TECPR2: variants seen among roughly 807,000 people sequenced by gnomAD.
TECPR2 encodes the protein tectonin beta-propeller repeat-containing protein 2.
A neutral mutation model predicts 138.1 loss-of-function variants in TECPR2; 65 were observed. The observed-to-expected ratio is 0.47, with a 90% CI of 0.39 to 0.58. TECPR2 has a LOEUF of 0.58. Ranked by LOEUF, TECPR2 falls within the 20% of genes least tolerant of loss-of-function variation. The pLI is 0.00. For synonymous variants in TECPR2, 746 were observed against 749.8 expected, an observed-to-expected ratio of 0.99 and a Z score of 0.08; for missense variants, 1,553 against 1,824.5, an observed-to-expected ratio of 0.85 and a Z score of 2.71.
chr14:102,446,383 G>A (rs1356907598), intron 13 of TECPR2, among the ~76,000 whole-genome samples: 1 of 152,124 alleles, frequency 6.6e-6, no homozygotes, highest in Non-Finnish European at 1.5e-5. Context: ...CAGATCACTC[G>A]AGTCCAGGAG....
At chr14:102,438,233 T>C (rs1167507279) in intron 10 of TECPR2, 28 bp downstream of exon 10, 7 of 1,581,734 alleles carry the variant, frequency 4.4e-6, no homozygotes, top group Non-Finnish European at 6.0e-6. Context: ...CTGCTCCCGC[T>C]CCCTGCTCCC....
At chr14:102,395,862 C>A (rs974137246) in intron 2 of TECPR2, among the ~76,000 whole-genome samples, 1 of 152,138 alleles carries the variant, frequency 6.6e-6, no homozygotes, top group Non-Finnish European at 1.5e-5. Flanking sequence ...GATTATTGAT[C>A]TGAAAACCAA....
chr14:102,456,877 C>T (rs1421643571), intron 16 of TECPR2, among the ~76,000 whole-genome samples: 1 of 151,982 alleles, frequency 6.6e-6, no homozygotes, highest in Non-Finnish European at 1.5e-5. Flanking sequence ...GTGTGAGCTA[C>T]CGCACCCAGC....
intron 17 of TECPR2, among the ~76,000 whole-genome samples, chr14:102,484,549 T>C (rs912475080): frequency 2.6e-5 from 4 of 152,186 alleles, no homozygotes; most frequent in Non-Finnish European, 5.9e-5. Flanking sequence ...TGGGGAGTCG[T>C]TGCTTTTAGC....
At position 102,415,242 on chromosome 14, in the gene TECPR2, G is replaced by A. The variant is rs923809377; in HGVS notation, c.638+449G>A. Among the ~76,000 whole-genome samples, 9 of 152,202 alleles carry A rather than the reference G, an allele frequency of 5.9e-5. No individual in the cohort carries two copies. In the South Asian group the frequency reaches 6.2e-4, roughly 10 times the overall value. On this transcript the variant is annotated intron_variant, in intron 5 of 19. Transcript: ENST00000359520. This position sits in a 1 kb window ranked among gnomAD's most constrained non-coding sequence, Gnocchi z 4.3. ...TAAACACGGCAGATCTGAGCCCTCC[G>A]TTGTGGAAATGGAAACACAGATAGA...
intron 17 of TECPR2, among the ~76,000 whole-genome samples, chr14:102,496,095 G>A (rs1891273343): frequency 6.6e-6 from 1 of 152,280 alleles, no homozygotes; most frequent in Non-Finnish European, 1.5e-5. Flanking sequence ...GGATCTGCCA[G>A]TTTCCACTGG....
intron 2 of TECPR2, among the ~76,000 whole-genome samples, chr14:102,405,767 A>G (rs1567326766): frequency 6.6e-6 from 1 of 152,256 alleles, no homozygotes; most frequent in African/African-American, 2.4e-5. Context: ...TAAAATGGGG[A>G]AGCAATCCAT....
chr14:102,483,704 A>T (rs867232274), intron 17 of TECPR2, among the ~76,000 whole-genome samples: 3 of 151,344 alleles, frequency 2.0e-5, no homozygotes, highest in Non-Finnish European at 4.4e-5. Context: ...TTGGCCTCCC[A>T]AAGTGCTGGA....
chr14:102,363,019 C>T lies in TECPR2; in HGVS notation c.-170C>T. 1 of 877,954 alleles carries T rather than the reference C, an allele frequency of 1.1e-6. No homozygotes were observed. Among genetic ancestry groups the T allele is most frequent in the Non-Finnish European group, 1.7e-6 (1 of 580,086 alleles). The allele number at this position is 877,954 out of a possible 1,614,324, so 54.4% of individuals were successfully genotyped here. A position where few individuals can be genotyped will look rare whatever the true frequency, so the allele number is the denominator to read the frequency against. On this transcript the variant is annotated 5_prime_UTR_variant, in exon 1 of 20. Transcript: ENST00000359520. ...GCTGGCCCCGGTGCCGGCCCCGTTG[C>T]CCAGGGAACAGGCTCCCGGCAGCCC...
intron 2 of TECPR2, among the ~76,000 whole-genome samples, chr14:102,379,464 G>A (rs191799791): frequency 5.3e-4 from 80 of 150,852 alleles, no homozygotes; most frequent in Non-Finnish European, 4.6e-4. Context: ...TAAAATCCAT[G>A]CACAGAGGCG....
At chr14:102,365,504 G>A (rs531339514) in intron 1 of TECPR2, among the ~76,000 whole-genome samples, 2 of 151,634 alleles carry the variant, frequency 1.3e-5, no homozygotes, top group African/African-American at 2.4e-5. Flanking sequence ...CAAACAAAAC[G>A]TGGCCTGTCT....
At chr14:102,414,219 C>T (rs1888961106) in intron 4 of TECPR2, among the ~76,000 whole-genome samples, 1 of 152,094 alleles carries the variant, frequency 6.6e-6, no homozygotes, top group African/African-American at 2.4e-5. Context: ...ATGTTCCATT[C>T]CATTGTTTTA....
At chr14:102,451,149 C>T (rs765855051) in intron 15 of TECPR2, among the ~76,000 whole-genome samples, 7 of 152,174 alleles carry the variant, frequency 4.6e-5, no homozygotes, top group Admixed American at 2.6e-4. Flanking sequence ...AGTGTCCCTG[C>T]GGAGTACAGG....
intron 17 of TECPR2, among the ~76,000 whole-genome samples, chr14:102,484,944 C>G (rs1890989308): frequency 6.6e-6 from 1 of 152,252 alleles, no homozygotes; most frequent in African/African-American, 2.4e-5. Context: ...CAGGCGCGAG[C>G]CACTGCGCCC....
intron 7 of TECPR2, among the ~76,000 whole-genome samples, chr14:102,428,988 C>T (rs574156770): frequency 2.4e-4 from 36 of 152,092 alleles, no homozygotes; most frequent in Admixed American, 1.6e-3. Flanking sequence ...GCTGGGATTA[C>T]AGGCATGCGC....
intron 1 of TECPR2, among the ~76,000 whole-genome samples, chr14:102,367,128 G>A (rs903182340): frequency 2.6e-5 from 4 of 152,288 alleles, no homozygotes; most frequent in Non-Finnish European, 4.4e-5. Context: ...TAGACCACAC[G>A]GGGCATTTGG....
chr14:102,431,339 GA>G lies in TECPR2; in HGVS notation c.1085-456del, dbSNP rs1182082185. On this transcript the variant is annotated intron_variant, in intron 7 of 19. Transcript: ENST00000359520. ...TTGTATGATTCTTTTAGTTTTGGTG[GA>G]TTTTTTTTTTTTTTTTTTTTGAGAC... 2.9e-5 allele frequency among the ~76,000 whole-genome samples: 4 copies of G among 136,768 alleles called. No homozygotes were observed. The East Asian group carries it at 6.2e-4, about 21-fold the overall frequency. The allele number at this position is 136,768 out of a possible 152,430, so 89.7% of individuals were successfully genotyped here.
At chr14:102,392,381 T>C (rs946994156) in intron 2 of TECPR2, among the ~76,000 whole-genome samples, 2 of 152,194 alleles carry the variant, frequency 1.3e-5, no homozygotes, top group Non-Finnish European at 2.9e-5. Flanking sequence ...TTTTCATCTC[T>C]TTGTTGCATG....
intron 16 of TECPR2, among the ~76,000 whole-genome samples, chr14:102,464,424 G>A (rs539756709): frequency 9.9e-5 from 15 of 151,806 alleles, no homozygotes; most frequent in Non-Finnish European, 1.9e-4. Flanking sequence ...ATGGGGCCTC[G>A]CTCTGTTGCC....
Sources: allele counts gnomAD v4.1 joint callset (sites outside exome capture counted in the v4.1 genomes callset), GRCh38; gene constraint gnomAD v4.1.1; non-coding constraint Gnocchi (gnomAD v3.1); transcripts MANE v1.5; gene names NCBI Gene and HGNC (gene_info 2026-07-23, HGNC 2026-07-21).